The following REV3L variants were observed in gnomAD, a reference collection of about 807,000 sequenced individuals.
The protein encoded by REV3L is REV3 like, DNA directed polymerase zeta catalytic subunit.
Under a neutral mutation model 299.4 loss-of-function variants are expected in REV3L, and 69 were observed. The ratio of observed to expected loss-of-function variants is 0.23; its 90% CI spans 0.19 to 0.28. The LOEUF is 0.28. Ranked by LOEUF, REV3L falls within the 10% of genes least tolerant of loss-of-function variation. REV3L has a pLI of 1.00. For missense variants in REV3L, 3,128 were observed against 3,693.8 expected (o/e 0.85, Z 3.97); for synonymous variants, 1,238 against 1,271.4 (o/e 0.97, Z 0.56).
chr6:111,308,163 A>G (rs2114710543), intron 30 of REV3L: 1 of 403,714 alleles, frequency 2.5e-6, no homozygotes. Flanking sequence ...TATGTGCCAC[A>G]TTTTCTTAAT....
intron 1 of REV3L, among the ~76,000 whole-genome samples, chr6:111,467,470 T>C (rs1186873366): frequency 6.6e-6 from 1 of 152,208 alleles, no homozygotes; most frequent in Non-Finnish European, 1.5e-5. Flanking sequence ...ATGTGGTTGA[T>C]TAGGTTAAGG....
intron 1 of REV3L, among the ~76,000 whole-genome samples, chr6:111,473,784 A>AGGG (rs1562369211): frequency 6.6e-6 from 1 of 151,810 alleles, no homozygotes; most frequent in African/African-American, 2.4e-5. Flanking sequence ...TCGGGGGGAG[A>AGGG]GGGGGTCAGT....
chr6:111,342,191 A>T (rs1776559028), intron 21 of REV3L, among the ~76,000 whole-genome samples: 1 of 152,186 alleles, frequency 6.6e-6, no homozygotes, highest in South Asian at 2.1e-4. Flanking sequence ...AGGGGCAAGA[A>T]AACTTCCTGT....
intron 4 of REV3L, among the ~76,000 whole-genome samples, chr6:111,398,075 ATGCT>A (rs1782714200): frequency 6.7e-6 from 1 of 150,118 alleles, no homozygotes; most frequent in Admixed American, 6.6e-5. Context: ...CATTGGACAG[ATGCT>A]AAGAATCAAA....
At chr6:111,423,398 C>T (rs1295747080) in intron 1 of REV3L, among the ~76,000 whole-genome samples, 2 of 151,786 alleles carry the variant, frequency 1.3e-5, no homozygotes, top group African/African-American at 4.8e-5. Context: ...TCAGTATGTA[C>T]AGAAACCTGA....
chr6:111,377,268 T>C (rs1190329142), intron 12 of REV3L, among the ~76,000 whole-genome samples: 3 of 152,220 alleles, frequency 2.0e-5, no homozygotes, highest in Admixed American at 6.5e-5. Context: ...TAGCCAACTA[T>C]ATAGAAAGTA....
At position 111,389,222 on chromosome 6, in the gene REV3L, A is replaced by AT; in HGVS notation, c.758-13dup. 3.2e-6 allele frequency: 5 copies of AT among 1,587,294 alleles called. No individual in the cohort carries two copies. Among genetic ancestry groups the AT allele is most frequent in the Non-Finnish European group, 4.3e-6 (5 of 1,156,410 alleles). ...TCCACCAATTTGAGCTGTAATCACA[A>AT]TAATACTTCAATACTACAGGGTCAA... On this transcript the variant is annotated splice_polypyrimidine_tract_variant and intron_variant, in intron 6 of 31. Transcript: ENST00000368802.
Position 111,299,786 on chromosome 6 carries a change from T to C in REV3L, c.*230A>G, listed in dbSNP as rs1771275994. 2 of 344,002 alleles carry C rather than the reference T, an allele frequency of 5.8e-6. No homozygotes were observed. Among genetic ancestry groups the C allele is most frequent in the African/African-American group, 2.1e-5 (1 of 46,790 alleles). 21.3% of individuals were successfully genotyped at this position (344,002 alleles called of 1,614,324 possible). A position where few individuals can be genotyped will look rare whatever the true frequency, so the allele number is the denominator to read the frequency against. ...TGGAGCAAATCCAACACCTGCATTA[T>C]AAAACAATGTTTAAAAGGTGACAGA... On this transcript the variant is annotated 3_prime_UTR_variant, in exon 32 of 32. Coordinates refer to ENST00000368802, the MANE Select transcript of REV3L (RefSeq NM_001372078.1).
intron 1 of REV3L, among the ~76,000 whole-genome samples, chr6:111,448,482 C>T (rs761814600): frequency 7.9e-5 from 12 of 151,830 alleles, no homozygotes; most frequent in Non-Finnish European, 1.6e-4. Flanking sequence ...CCACAGGCAC[C>T]GGCCACCACA....
rs1224047644 is a variant in REV3L, at chr6:111,380,232, T to C, written c.1217-13A>G. 2 of 1,529,004 alleles carry C rather than the reference T, an allele frequency of 1.3e-6. No homozygotes were observed. Among genetic ancestry groups the C allele is most frequent in the Middle Eastern group, 3.4e-4 (2 of 5,838 alleles). 94.7% of individuals were successfully genotyped at this position (1,529,004 alleles called of 1,614,324 possible). ...GGACTACTGTCCACTATAAAACAAG[T>C]ACAATAATCACCAACAAATAAGTTT... On this transcript the variant is annotated splice_polypyrimidine_tract_variant and intron_variant, in intron 10 of 31. Coordinates refer to ENST00000368802, the MANE Select transcript of REV3L (RefSeq NM_001372078.1).
In REV3L at chr6:111,374,337, G is replaced by A; in HGVS notation, c.4018C>T (p.His1340Tyr). 1 of 1,613,892 alleles carries A rather than the reference G, an allele frequency of 6.2e-7. No homozygotes were observed. The highest frequency in any genetic ancestry group is 8.5e-7 in the Non-Finnish European group (1 of 1,179,898). Residue 1340 changes from histidine to tyrosine, a missense_variant, in exon 13 of 32, where the codon CAT becomes TAT. His to Tyr is a moderately conservative substitution (Grantham distance 83). This residue lies in a region of REV3L where 2,409 missense variants were observed against 2,611.8 expected (regional missense o/e 0.92). Coordinates refer to ENST00000368802, the MANE Select transcript of REV3L (RefSeq NM_001372078.1). ...AGAGTAAACATAGCACTTTGATTAT[G>A]AGGCCTTTGAACATTAATTTTTGAG... ...GVSKINVQRPHNQSAMFTLKE... is the reference protein window; with the variant it reads ...GVSKINVQRPYNQSAMFTLKE...
intron 1 of REV3L, among the ~76,000 whole-genome samples, chr6:111,475,854 T>C (rs1297923165): frequency 6.6e-6 from 1 of 152,216 alleles, no homozygotes; most frequent in Non-Finnish European, 1.5e-5. Flanking sequence ...ATAATTACCC[T>C]ACCTTTTTTG....
At chr6:111,324,557 C>T (rs1269881955) in intron 25 of REV3L, among the ~76,000 whole-genome samples, 1 of 152,138 alleles carries the variant, frequency 6.6e-6, no homozygotes, top group East Asian at 1.9e-4. Context: ...CAAGTATATA[C>T]TCGAACATAT....
intron 18 of REV3L, among the ~76,000 whole-genome samples, chr6:111,353,252 G>A (rs1242207132): frequency 2.0e-5 from 3 of 152,122 alleles, no homozygotes; most frequent in African/African-American, 7.2e-5. Flanking sequence ...CACCAGATCT[G>A]CTTTTAGAAC....
At chr6:111,379,875 T>C in intron 11 of REV3L, 107 bp downstream of exon 11, 1 of 745,118 alleles carries the variant, frequency 1.3e-6, no homozygotes, top group Middle Eastern at 4.0e-4. Flanking sequence ...AACATCAATT[T>C]AGTTCATAAG....
At chr6:111,444,788 G>GA (rs891433641) in intron 1 of REV3L, among the ~76,000 whole-genome samples, 17 of 152,086 alleles carry the variant, frequency 1.1e-4, no homozygotes, top group African/African-American at 3.6e-4. Flanking sequence ...TATTTGAAAG[G>GA]AAAAAAATGC....
intron 7 of REV3L, among the ~76,000 whole-genome samples, chr6:111,388,592 C>A (rs1781579603): frequency 1.3e-5 from 2 of 152,240 alleles, no homozygotes; most frequent in African/African-American, 4.8e-5. Context: ...ATTATCTAAA[C>A]CCCCTCGAAT....
At chr6:111,388,959 T>G (rs369495467) in intron 7 of REV3L, 147 bp downstream of exon 7, 4 of 603,150 alleles carry the variant, frequency 6.6e-6, no homozygotes. Context: ...ATAGTGGCTG[T>G]ACAGCAATGA....
intron 5 of REV3L, among the ~76,000 whole-genome samples, chr6:111,390,840 T>C (rs887276489): frequency 3.9e-5 from 6 of 152,072 alleles, no homozygotes; most frequent in African/African-American, 1.4e-4. Context: ...CTCAAAAGCA[T>C]TTGCTTTTCA....
Sources: allele counts gnomAD v4.1 joint callset (sites outside exome capture counted in the v4.1 genomes callset), GRCh38; gene constraint gnomAD v4.1.1; regional missense constraint gnomAD v4.1.1; transcripts MANE v1.5; gene names NCBI Gene and HGNC (gene_info 2026-07-23, HGNC 2026-07-21).